The following ACTR2 variants were observed in gnomAD, a reference collection of about 807,000 sequenced individuals.
ACTR2 encodes actin-related protein 2.
Under a neutral mutation model 50.2 loss-of-function variants are expected in ACTR2, and 5 were observed. The ratio of observed to expected loss-of-function variants is 0.10; its 90% confidence interval spans 0.05 to 0.21. ACTR2 has a LOEUF of 0.21. ACTR2 is among the 10% of genes least tolerant of loss of function. ACTR2 has a pLI of 1.00. For missense variants in ACTR2, 180 were observed against 480.6 expected (o/e 0.37, Z 5.85); for synonymous variants, 140 against 162.9 (o/e 0.86, Z 1.07).
At chr2:65,246,337 T>A (rs1160083896) in intron 2 of ACTR2, 187 bp from the exon 3 acceptor site, 2 of 484,490 alleles carry the variant, frequency 4.1e-6, no homozygotes, top group Non-Finnish European at 7.3e-6. Context: ...TTAAACCACA[T>A]TGTATGTAAA....
At chr2:65,259,476 C>G (rs1672220048) in intron 6 of ACTR2, among the ~76,000 whole-genome samples, 2 of 151,998 alleles carry the variant, frequency 1.3e-5, no homozygotes, top group Non-Finnish European at 2.9e-5. Context: ...GCCTGTAATC[C>G]CAGCACTTTT....
At chr2:65,250,235 A>G (rs1462161238) in intron 3 of ACTR2, among the ~76,000 whole-genome samples, 7 of 151,692 alleles carry the variant, frequency 4.6e-5, no homozygotes, top group Non-Finnish European at 8.8e-5. Flanking sequence ...GTGGTGGTGT[A>G]CGCCTGTAGT....
At chr2:65,234,458 CAGT>C (rs892375428) in intron 1 of ACTR2, among the ~76,000 whole-genome samples, 10 of 151,766 alleles carry the variant, frequency 6.6e-5, no homozygotes, top group African/African-American at 2.4e-4. Flanking sequence ...AGTAGGTTTA[CAGT>C]TGTTTTTATA....
chr2:65,256,849 G>A (rs1409226326), intron 6 of ACTR2, among the ~76,000 whole-genome samples: 1 of 148,382 alleles, frequency 6.7e-6, no homozygotes, highest in Non-Finnish European at 1.5e-5. Flanking sequence ...TCCAGCCTGG[G>A]TGACAGAGCA....
chr2:65,246,418 A>G, intron 2 of ACTR2, 106 bp from the exon 3 acceptor site: 2 of 784,938 alleles, frequency 2.5e-6, no homozygotes. Context: ...CTTGTGGAAT[A>G]AAAAGATTTA....
chr2:65,239,654 G>T (rs913910461), intron 1 of ACTR2, among the ~76,000 whole-genome samples, 198 bp from the exon 2 acceptor site: 2 of 152,172 alleles, frequency 1.3e-5, no homozygotes, highest in African/African-American at 4.8e-5. Context: ...AAATAAACAT[G>T]AACCCTGGAA....
rs143784148 is a variant in ACTR2 at position 65,237,160 on chromosome 2, T to C, written c.49-2692T>C. Among the ~76,000 whole-genome samples, 746 of 152,302 alleles carry C rather than the reference T, an allele frequency of 4.9e-3. 5 individuals are homozygous for C. The highest frequency in any genetic ancestry group is 0.017 in the African/African-American group (698 of 41,562). On this transcript the variant is annotated intron_variant, in intron 1 of 8. Coordinates refer to ENST00000260641, the MANE Select transcript of ACTR2 (RefSeq NM_005722.4). ...TTAAATAAATGCTTGTTAAAGAGGG[T>C]GCAGACTATGATTACATTTCCTTTC... is the stretch of plus-strand genomic sequence containing the variant.
intron 4 of ACTR2, among the ~76,000 whole-genome samples, chr2:65,252,619 T>C (rs2104005619): frequency 6.6e-6 from 1 of 152,166 alleles, no homozygotes; most frequent in Non-Finnish European, 1.5e-5. Flanking sequence ...CACTCCAGCC[T>C]GGGCGACAGA....
chr2:65,231,203 T>C (rs557964708), intron 1 of ACTR2, among the ~76,000 whole-genome samples: 1 of 152,322 alleles, frequency 6.6e-6, no homozygotes, highest in South Asian at 2.1e-4. Flanking sequence ...TATCTGTTCT[T>C]ATGCTTCTAG....
intron 1 of ACTR2, among the ~76,000 whole-genome samples, chr2:65,239,432 C>A (rs936704017): frequency 5.3e-5 from 8 of 152,184 alleles, no homozygotes; most frequent in African/African-American, 1.2e-4. Context: ...TCTGCCTGGG[C>A]AAAAAGAGTG....
Position 65,267,331 on chromosome 2 carries a change from A to G in ACTR2, c.1015-1233A>G, listed in dbSNP as rs567505139. Among the ~76,000 whole-genome samples, 231 of 152,316 alleles carry G rather than the reference A, an allele frequency of 1.5e-3. 1 individual carries two copies. Among genetic ancestry groups the G allele is most frequent in the African/African-American group, 5.5e-3 (227 of 41,560 alleles). The stretch of plus-strand genomic sequence containing the variant: ...CTCAAGTATCTGGCCCTTCACAAAA[A>G]AAGTTTGCTGACCCCTATGTAAGAG... On this transcript the variant is annotated intron_variant, in intron 8 of 8. Coordinates refer to ENST00000260641, the MANE Select transcript of ACTR2 (RefSeq NM_005722.4).
intron 1 of ACTR2, among the ~76,000 whole-genome samples, chr2:65,236,504 C>T (rs1040210779): frequency 2.0e-5 from 3 of 151,942 alleles, no homozygotes; most frequent in Admixed American, 1.3e-4. Flanking sequence ...TAAGTTTTAC[C>T]GCATTAAACA....
intron 8 of ACTR2, 43 bp from the exon 9 acceptor site, chr2:65,268,521 C>T (rs1558631207): frequency 1.3e-6 from 2 of 1,557,032 alleles, no homozygotes; most frequent in African/African-American, 1.4e-5. Flanking sequence ...GCAGAAAGCA[C>T]TGTGCACATG....
chr2:65,261,466 A>G (rs1294507122), intron 7 of ACTR2, 74 bp downstream of exon 7: 7 of 1,340,476 alleles, frequency 5.2e-6, no homozygotes, highest in East Asian at 2.5e-5. Context: ...TATTTATCAG[A>G]AATAGATGGA....
intron 1 of ACTR2, among the ~76,000 whole-genome samples, chr2:65,231,050 AC>A (rs1355844439): frequency 2.0e-5 from 3 of 148,966 alleles, no homozygotes; most frequent in Non-Finnish European, 4.4e-5. Context: ...TGAGACTGTC[AC>A]AAAAAAAAAA....
intron 1 of ACTR2, among the ~76,000 whole-genome samples, chr2:65,234,807 A>C (rs1015952350): frequency 3.3e-5 from 5 of 152,228 alleles, no homozygotes; most frequent in African/African-American, 1.2e-4. Flanking sequence ...GAACCTTACA[A>C]ACTGGTAGGT....
intron 4 of ACTR2, among the ~76,000 whole-genome samples, chr2:65,251,553 G>T (rs1323796612): frequency 6.6e-6 from 1 of 152,018 alleles, no homozygotes; most frequent in Non-Finnish European, 1.5e-5. Context: ...TAGAGATGGG[G>T]TTTCTCCATA....
intron 1 of ACTR2, among the ~76,000 whole-genome samples, chr2:65,228,818 T>C (rs1175334095): frequency 6.6e-6 from 1 of 152,180 alleles, no homozygotes; most frequent in Non-Finnish European, 1.5e-5. Context: ...GAAAATTGTT[T>C]CTGTAATCCC....
intron 6 of ACTR2, among the ~76,000 whole-genome samples, chr2:65,258,756 A>T (rs1467095476): frequency 6.6e-6 from 1 of 152,144 alleles, no homozygotes; most frequent in Non-Finnish European, 1.5e-5. Context: ...CAGTTTTAAC[A>T]GTTCATTAAG....
Sources: allele counts gnomAD v4.1 joint callset (sites outside exome capture counted in the v4.1 genomes callset), GRCh38; gene constraint gnomAD v4.1.1; transcripts MANE v1.5; gene names NCBI Gene and HGNC (gene_info 2026-07-23, HGNC 2026-07-21).